Variants in PSMF1 observed in about 807,000 individuals in gnomAD.
PSMF1 encodes the protein proteasome inhibitor PI31 subunit.
Under a neutral mutation model 29.3 loss-of-function variants are expected in PSMF1, and 30 were observed. The ratio of observed to expected loss-of-function variants is 1.02; its 90% CI spans 0.77 to 1.39. PSMF1 has a LOEUF of 1.39. PSMF1 is among the 40% of genes most tolerant of loss of function. The probability of loss-of-function intolerance (pLI) is 0.00; values close to 1 mark genes in which losing one functional copy is unlikely to be tolerated. For missense variants in PSMF1, 344 were observed against 357.5 expected (o/e 0.96, Z 0.31); for synonymous variants, 134 against 139.7 (o/e 0.96, Z 0.29).
Position 1,172,059 on chromosome 20 carries a change from A to G in PSMF1, c.*6979A>G, listed in dbSNP as rs1285104614. Among the ~76,000 whole-genome samples, 1 of 152,188 alleles carries G rather than the reference A, an allele frequency of 6.6e-6. No homozygotes were observed. The highest frequency in any genetic ancestry group is 1.9e-4 in the East Asian group (1 of 5,190). On this transcript the variant is annotated 3_prime_UTR_variant, in exon 7 of 7. Coordinates refer to ENST00000335877, the MANE Select transcript of PSMF1 (RefSeq NM_006814.5). ...TCCTGCCTATCTGTGAGAGTCCATGACTAAGTGGGCCATGGGCTGGACTGA... is the reference window on the plus strand; with the variant it reads ...TCCTGCCTATCTGTGAGAGTCCATGGCTAAGTGGGCCATGGGCTGGACTGA...
upstream of PSMF1, chr20:1,118,479 C>T (rs773237368): frequency 1.9e-4 from 55 of 282,620 alleles, no homozygotes; most frequent in Non-Finnish European, 1.3e-4. Context: ...CCGCCAAGAC[C>T]CGGCTTCCGG....
intron 1 of PSMF1, among the ~76,000 whole-genome samples, chr20:1,119,562 C>T (rs1323719657): frequency 6.6e-6 from 1 of 152,134 alleles, no homozygotes; most frequent in Admixed American, 6.5e-5. Context: ...GTGTGAGGGT[C>T]ATATAAGATT....
Position 1,128,342 on chromosome 20 carries a change from A to T in PSMF1, c.365+834A>T, listed in dbSNP as rs976869510. Among the ~76,000 whole-genome samples, 10 of 152,194 alleles carry T rather than the reference A, an allele frequency of 6.6e-5. No homozygotes were observed. The South Asian group carries it at 2.1e-3, about 31-fold the overall frequency. ...TCTGTTTTTAATATAACACTACAGG[A>T]TTCTTTTTCTCTTATTCCATACTTA... On this transcript the variant is annotated intron_variant, in intron 3 of 6. Transcript: ENST00000335877.
chr20:1,142,501 A>G (rs550597069), intron 4 of PSMF1, among the ~76,000 whole-genome samples: 2 of 149,158 alleles, frequency 1.3e-5, no homozygotes, highest in African/African-American at 2.5e-5. Flanking sequence ...ATTCCCACCT[A>G]TGAGTGAGAA....
intron 4 of PSMF1, among the ~76,000 whole-genome samples, chr20:1,149,764 G>T (rs1048743341): frequency 6.6e-6 from 1 of 152,184 alleles, no homozygotes; most frequent in Non-Finnish European, 1.5e-5. Flanking sequence ...GGCCAGGTGT[G>T]GTGGCCCACA....
intron 2 of PSMF1, among the ~76,000 whole-genome samples, chr20:1,126,962 T>C (rs2086164846): frequency 6.6e-6 from 1 of 152,190 alleles, no homozygotes; most frequent in Admixed American, 6.5e-5. Context: ...TCCCAAATCA[T>C]GCCCCGGAAA....
chr20:1,141,290 G>A (rs141756728), intron 4 of PSMF1, among the ~76,000 whole-genome samples: 181 of 152,208 alleles, frequency 1.2e-3, no homozygotes, highest in Non-Finnish European at 1.9e-3. Flanking sequence ...AAAACCATGC[G>A]TTATACATGT....
At chr20:1,159,618 C>G (rs1460682598) in intron 4 of PSMF1, among the ~76,000 whole-genome samples, 1 of 152,238 alleles carries the variant, frequency 6.6e-6, no homozygotes, top group Non-Finnish European at 1.5e-5. Context: ...GTTTGCCACT[C>G]TGGGCGGGGG....
Position 1,135,286 on chromosome 20 carries a change from C to A in PSMF1, c.531C>A (p.His177Gln). The A allele has an allele frequency of 6.2e-7, 1 of 1,613,008 alleles. No homozygotes were observed. The highest frequency in any genetic ancestry group is 1.3e-5 in the African/African-American group (1 of 75,044). The change falls in exon 4 of 7, where the codon CAC becomes CAA. Residue 177 changes from histidine (H) to glutamine (Q), a missense_variant. Coordinates refer to ENST00000335877, the MANE Select transcript of PSMF1 (RefSeq NM_006814.5). ...DPLRIPPHHPHTSRQPPWCDP... is the reference protein window; with the variant it reads ...DPLRIPPHHPQTSRQPPWCDP... ...TCCGGATTCCTCCACACCACCCACA[C>A]ACCAGTCGGCAGCCTCCCTGGTGAG...
chr20:1,125,764 G>A (rs1238185465), intron 2 of PSMF1, 114 bp downstream of exon 2: 2 of 1,354,030 alleles, frequency 1.5e-6, no homozygotes, highest in Non-Finnish European at 2.0e-6. Flanking sequence ...CCCTTACCTA[G>A]TGATCCCACT....
chr20:1,135,366 TC>T, intron 4 of PSMF1, 60 bp downstream of exon 4: 1 of 1,496,508 alleles, frequency 6.7e-7, no homozygotes, highest in South Asian at 1.3e-5. Context: ...CAGCCAGCTA[TC>T]CCCATCCTGC....
chr20:1,127,701 A>G (rs2086177009), intron 3 of PSMF1, among the ~76,000 whole-genome samples, 193 bp downstream of exon 3: 3 of 152,228 alleles, frequency 2.0e-5, no homozygotes, highest in Admixed American at 2.0e-4. Flanking sequence ...GAAATGCCAC[A>G]TGAAACAAGA....
Position 1,164,458 on chromosome 20 carries a change from T to A in PSMF1, c.746T>A (p.Ile249Asn). Reference sequence around the variant, plus strand: ...GCTCGCTTTGACCCCTTTGGACCCATTGGGACCAGCCCACCCGGGTACGTA... The same window carrying A: ...GCTCGCTTTGACCCCTTTGGACCCAATGGGACCAGCCCACCCGGGTACGTA... Reference protein sequence around the residue: ...PGARFDPFGPIGTSPPGPNPD... With the variant: ...PGARFDPFGPNGTSPPGPNPD... Residue 249 changes from isoleucine to asparagine, a missense_variant, in exon 6 of 7, where the codon ATT becomes AAT. Coordinates refer to ENST00000335877, the MANE Select transcript of PSMF1 (RefSeq NM_006814.5). This position sits in a 1 kb window ranked among gnomAD's most constrained non-coding sequence, Gnocchi z 4.1. The A allele has an allele frequency of 6.2e-7, 1 of 1,614,074 alleles. No individual in the cohort carries two copies. Among genetic ancestry groups the A allele is most frequent in the Non-Finnish European group, 8.5e-7 (1 of 1,179,990 alleles).
intron 4 of PSMF1, among the ~76,000 whole-genome samples, chr20:1,145,801 A>G (rs2086442356): frequency 6.6e-6 from 1 of 152,208 alleles, no homozygotes; most frequent in African/African-American, 2.4e-5. Flanking sequence ...ATACCAGCCA[A>G]GCACTGGACT....
chr20:1,161,724 T>G (rs2086669415), intron 4 of PSMF1: 1 of 579,626 alleles, frequency 1.7e-6, no homozygotes, highest in Non-Finnish European at 3.2e-6. Context: ...TGTGTAGCAT[T>G]TGCTGCATAG....
intron 4 of PSMF1, among the ~76,000 whole-genome samples, chr20:1,147,490 G>A (rs1161724906): frequency 1.3e-5 from 2 of 152,232 alleles, no homozygotes; most frequent in African/African-American, 2.4e-5. Context: ...CAAATTCAAT[G>A]TAGTGTAGAC....
Position 1,165,991 on chromosome 20 carries a change from T to A in PSMF1, c.*911T>A. ...AGCATTTTGATGTCTCATTCTGTGT[T>A]TGGTAACCCCTATAAACTGGGGCAG... On this transcript the variant is annotated 3_prime_UTR_variant, in exon 7 of 7. Transcript: ENST00000335877. The A allele has an allele frequency of 7.1e-7, 1 of 1,409,604 alleles. No individual in the cohort carries two copies. The highest frequency in any genetic ancestry group is 9.2e-7 in the Non-Finnish European group (1 of 1,082,438). 87.3% of individuals were successfully genotyped at this position (1,409,604 alleles called of 1,614,324 possible). A position where few individuals can be genotyped will look rare whatever the true frequency, so the allele number is the denominator to read the frequency against.
chr20:1,152,514 G>A (rs1029039896), intron 4 of PSMF1, among the ~76,000 whole-genome samples: 8 of 152,198 alleles, frequency 5.3e-5, no homozygotes, highest in Non-Finnish European at 7.3e-5. Context: ...AGCACAGTCC[G>A]ATGCATATAA....
intron 2 of PSMF1, 179 bp from the exon 3 acceptor site, chr20:1,127,241 AATATTC>A: frequency 2.6e-6 from 2 of 758,152 alleles, no homozygotes; most frequent in East Asian, 4.9e-5. Context: ...TTGGAAAGGC[AATATTC>A]CTAAATCAGA....
Sources: allele counts gnomAD v4.1 joint callset (sites outside exome capture counted in the v4.1 genomes callset), GRCh38; gene constraint gnomAD v4.1.1; non-coding constraint Gnocchi (gnomAD v3.1); transcripts MANE v1.5; gene names NCBI Gene and HGNC (gene_info 2026-07-23, HGNC 2026-07-21).